The following PRKG2 variants were observed in gnomAD, a reference collection of about 807,000 sequenced individuals.
The protein encoded by PRKG2 is protein kinase cGMP-dependent 2.
A neutral mutation model predicts 97.2 loss-of-function variants in PRKG2; 33 were observed. The observed-to-expected ratio is 0.34, with a 90% CI of 0.26 to 0.45. PRKG2 has a LOEUF of 0.45. PRKG2 is among the 20% of genes least tolerant of loss of function. The pLI, the probability that PRKG2 is intolerant of heterozygous loss-of-function variation, is 1.00. For missense variants in PRKG2, 638 were observed against 900.0 expected (o/e 0.71, Z 3.73); for synonymous variants, 330 against 321.8 (o/e 1.03, Z -0.27).
At chr4:81,172,323 A>C (rs1432895488) in intron 3 of PRKG2, among the ~76,000 whole-genome samples, 2 of 152,118 alleles carry the variant, frequency 1.3e-5, no homozygotes, top group Non-Finnish European at 2.9e-5. Context: ...ATTGTTCACA[A>C]TGATGGAATG....
At chr4:81,198,504 C>T (rs942335771) in intron 2 of PRKG2, among the ~76,000 whole-genome samples, 1 of 152,022 alleles carries the variant, frequency 6.6e-6, no homozygotes, top group Non-Finnish European at 1.5e-5. Flanking sequence ...ACCTCACCCC[C>T]ACAAAAATAG....
intron 14 of PRKG2, among the ~76,000 whole-genome samples, chr4:81,122,331 G>A (rs757947896): frequency 2.6e-5 from 4 of 152,106 alleles, no homozygotes; most frequent in Admixed American, 6.6e-5. Flanking sequence ...GGAAACTCTG[G>A]GATGGGCAGG....
At chr4:81,179,346 T>C (rs1751208681) in intron 2 of PRKG2, among the ~76,000 whole-genome samples, 1 of 152,122 alleles carries the variant, frequency 6.6e-6, no homozygotes, top group African/African-American at 2.4e-5. Context: ...ACTAACTTAC[T>C]CTTCAACAGA....
chr4:81,158,789 C>T (rs1214756692), intron 6 of PRKG2, among the ~76,000 whole-genome samples: 1 of 152,018 alleles, frequency 6.6e-6, no homozygotes, highest in African/African-American at 2.4e-5. Flanking sequence ...TCAGAAATAA[C>T]GTCACATATC....
At chr4:81,122,549 C>T (rs189386962) in intron 14 of PRKG2, among the ~76,000 whole-genome samples, 1 of 152,274 alleles carries the variant, frequency 6.6e-6, no homozygotes, top group African/African-American at 2.4e-5. Context: ...TAAGAAAGGA[C>T]ACACCATTAC....
chr4:81,089,427 T>G lies in PRKG2; in HGVS notation c.*281A>C. 1 of 290,440 alleles carries G rather than the reference T, an allele frequency of 3.4e-6. No homozygotes were observed. The highest frequency in any genetic ancestry group is 6.1e-5 in the East Asian group (1 of 16,290). The allele number at this position is 290,440 out of a possible 1,614,324, so 18.0% of individuals were successfully genotyped here. On this transcript the variant is annotated 3_prime_UTR_variant, in exon 19 of 19. Coordinates refer to ENST00000264399, the MANE Select transcript of PRKG2 (RefSeq NM_006259.3). ...ATAGATTGCAGAAAAAACTGCCACT[T>G]TAACAAAAATGGCTCTGATTGTGGA...
At chr4:81,130,308 T>C (rs1340909344) in intron 14 of PRKG2, among the ~76,000 whole-genome samples, 1 of 152,184 alleles carries the variant, frequency 6.6e-6, no homozygotes, top group African/African-American at 2.4e-5. Flanking sequence ...GCCTTTGTAT[T>C]ACCAGGTGAG....
intron 18 of PRKG2, 60 bp downstream of exon 18, chr4:81,092,326 C>A: frequency 8.6e-7 from 1 of 1,169,256 alleles, no homozygotes; most frequent in Non-Finnish European, 1.2e-6. Flanking sequence ...CATCTAAAAT[C>A]TGTGTACAAA....
intron 6 of PRKG2, among the ~76,000 whole-genome samples, chr4:81,166,311 G>GA (rs1471125209): frequency 2.6e-5 from 4 of 151,562 alleles, no homozygotes; most frequent in African/African-American, 9.7e-5. Context: ...GGTTTTGGGG[G>GA]TTTTTTTTCC....
intron 8 of PRKG2, among the ~76,000 whole-genome samples, chr4:81,150,158 C>T (rs1748242942): frequency 6.6e-6 from 1 of 152,108 alleles, no homozygotes; most frequent in African/African-American, 2.4e-5. Context: ...TAGACATAGA[C>T]ACAGACATGA....
chr4:81,122,601 T>C (rs2110004727), intron 14 of PRKG2, among the ~76,000 whole-genome samples: 1 of 152,288 alleles, frequency 6.6e-6, no homozygotes, highest in South Asian at 2.1e-4. Flanking sequence ...TTTTCTCCTC[T>C]TATTTAGGCC....
intron 14 of PRKG2, among the ~76,000 whole-genome samples, chr4:81,118,471 T>C (rs72663824): frequency 0.094 from 14,232 of 152,210 alleles, 784 homozygotes; most frequent in Middle Eastern, 0.2. Flanking sequence ...GGTGTTGCCA[T>C]TGTTCTAGAA....
intron 6 of PRKG2, among the ~76,000 whole-genome samples, chr4:81,166,029 C>T (rs942184054): frequency 1.3e-5 from 2 of 151,936 alleles, no homozygotes; most frequent in African/African-American, 2.4e-5. Flanking sequence ...GGTTATGTTA[C>T]AATGGGAGAC....
At chr4:81,195,864 A>T (rs1752929797) in intron 2 of PRKG2, among the ~76,000 whole-genome samples, 1 of 152,180 alleles carries the variant, frequency 6.6e-6, no homozygotes, top group South Asian at 2.1e-4. Flanking sequence ...GGCTTTACCT[A>T]CCCGGCATAG....
intron 6 of PRKG2, among the ~76,000 whole-genome samples, chr4:81,159,875 C>T (rs919357892): frequency 2.7e-5 from 4 of 148,516 alleles, no homozygotes; most frequent in African/African-American, 7.5e-5. Context: ...AACTAAACAC[C>T]GCATATTCTC....
chr4:81,199,521 C>A (rs75021283), intron 2 of PRKG2, among the ~76,000 whole-genome samples: 25,616 of 151,980 alleles, frequency 0.17, 2,566 homozygotes, highest in African/African-American at 0.26. Flanking sequence ...TAACCTTTGG[C>A]AGGTTATATA....
chr4:81,102,456 T>C (rs1218163884), intron 17 of PRKG2, among the ~76,000 whole-genome samples: 3 of 152,194 alleles, frequency 2.0e-5, no homozygotes, highest in African/African-American at 7.2e-5. Context: ...GAATAGTGTG[T>C]TTCTGTGTCA....
At chr4:81,159,314 T>G in intron 6 of PRKG2, among the ~76,000 whole-genome samples, 1 of 152,032 alleles carries the variant, frequency 6.6e-6, no homozygotes, top group Non-Finnish European at 1.5e-5. Flanking sequence ...GAACAGACAC[T>G]TCTCAAAAGA....
chr4:81,217,800 A>T (rs531532347), upstream of PRKG2, among the ~76,000 whole-genome samples: 1 of 152,366 alleles, frequency 6.6e-6, no homozygotes, highest in East Asian at 1.9e-4. Context: ...GGCTTAAATT[A>T]TAAGGAAACT....
Sources: gnomAD v4.1 joint callset for allele counts (sites outside exome capture counted in the v4.1 genomes callset) on GRCh38, gnomAD v4.1.1 for gene constraint, MANE v1.5 for transcripts, NCBI Gene and HGNC (gene_info 2026-07-23, HGNC 2026-07-21) for gene names.